The following ZC2HC1A variants were observed in gnomAD, a reference collection of about 807,000 sequenced individuals.
The protein encoded by ZC2HC1A is zinc finger C2HC-type containing 1A.
Under a neutral mutation model 40.7 loss-of-function variants are expected in ZC2HC1A, and 28 were observed. The observed-to-expected ratio is 0.69, with a 90% CI of 0.51 to 0.94. The LOEUF (loss-of-function observed/expected upper bound fraction) is 0.94. ZC2HC1A is among the 40% of genes least tolerant of loss of function. The pLI, the probability that ZC2HC1A is intolerant of heterozygous loss-of-function variation, is 0.00. For missense variants in ZC2HC1A, 389 were observed against 386.3 expected (o/e 1.01, Z -0.06); for synonymous variants, 129 against 129.2 (o/e 1.00, Z 0.01).
chr8:78,682,725 T>TC (rs1172565615), intron 3 of ZC2HC1A, among the ~76,000 whole-genome samples: 3 of 152,074 alleles, frequency 2.0e-5, no homozygotes, highest in Non-Finnish European at 4.4e-5. Context: ...TTCCCAACAG[T>TC]CCCCCAAAGT....
rs575614267 is a variant in ZC2HC1A at position 78,706,674 on chromosome 8, A to G, written c.704+8161A>G. Among the ~76,000 whole-genome samples the G allele has an allele frequency of 1.2e-4, 18 of 152,232 alleles. No homozygotes were observed. The South Asian group carries it at 3.7e-3, about 32-fold the overall frequency. ...CCCAATGCAAGTACATGGATGTTTC[A>G]GATGAAGGTGCTGTATTTACTCACC... On this transcript the variant is annotated intron_variant, in intron 7 of 8. Transcript: ENST00000263849.
intron 8 of ZC2HC1A, 22 bp from the exon 9 acceptor site, chr8:78,717,306 C>CTTT (rs1469949599): frequency 6.3e-7 from 1 of 1,596,232 alleles, no homozygotes; most frequent in African/African-American, 1.4e-5. Flanking sequence ...TTTATCTTTT[C>CTTT]ATTGTTTCTT....
At chr8:78,706,482 G>C (rs1810774571) in intron 7 of ZC2HC1A, among the ~76,000 whole-genome samples, 1 of 152,150 alleles carries the variant, frequency 6.6e-6, no homozygotes, top group African/African-American at 2.4e-5. Flanking sequence ...CTTGACCCAA[G>C]GGTTGCAAAG....
intron 2 of ZC2HC1A, among the ~76,000 whole-genome samples, chr8:78,677,651 T>C (rs1352669528): frequency 6.6e-6 from 1 of 152,108 alleles, no homozygotes; most frequent in African/African-American, 2.4e-5. Flanking sequence ...GTGGAGACTT[T>C]TTTTTTTGCA....
chr8:78,715,252 C>T lies in ZC2HC1A; in HGVS notation c.736C>T (p.Pro246Ser), dbSNP rs1231959724. ...TGTCAAACCCCGAAATTCCACACCA[C>T]CTAGTTTGGCAAGAAATCCTGCCCC... is the stretch of plus-strand genomic sequence containing the variant. ...ANVKPRNSTP[P>S]SLARNPAPGV... Residue 246 changes from proline (P) to serine (S), a missense_variant, in exon 8 of 9, where the codon CCT becomes TCT. Physicochemically the swap from Pro to Ser is moderately conservative, Grantham distance 74. Coordinates refer to ENST00000263849, the MANE Select transcript of ZC2HC1A (RefSeq NM_016010.3). 1 of 1,613,868 alleles carries T rather than the reference C, an allele frequency of 6.2e-7. No individual in the cohort carries two copies. Among genetic ancestry groups the T allele is most frequent in the Non-Finnish European group, 8.5e-7 (1 of 1,179,912 alleles).
intron 1 of ZC2HC1A, among the ~76,000 whole-genome samples, chr8:78,666,696 A>C (rs1809310167): frequency 6.6e-6 from 1 of 152,106 alleles, no homozygotes; most frequent in Non-Finnish European, 1.5e-5. Flanking sequence ...GCATCTCCTA[A>C]GGAAGTGTCA....
At chr8:78,687,612 TTATA>T (rs1281174211) in intron 4 of ZC2HC1A, among the ~76,000 whole-genome samples, 72 of 135,530 alleles carry the variant, frequency 5.3e-4, no homozygotes, top group African/African-American at 1.5e-3. Flanking sequence ...ACATAATACA[TTATA>T]TATATTTACG....
intron 1 of ZC2HC1A, among the ~76,000 whole-genome samples, chr8:78,673,447 G>A (rs946084882): frequency 1.3e-5 from 2 of 152,026 alleles, no homozygotes; most frequent in African/African-American, 4.8e-5. Context: ...GGGATTGCTG[G>A]GTCAAATGGT....
At chr8:78,709,489 T>C (rs1167348274) in intron 7 of ZC2HC1A, among the ~76,000 whole-genome samples, 1 of 152,176 alleles carries the variant, frequency 6.6e-6, no homozygotes, top group Non-Finnish European at 1.5e-5. Flanking sequence ...CTTATGTGGA[T>C]AACAATGATT....
chr8:78,698,992 T>G (rs1193625112), intron 7 of ZC2HC1A, among the ~76,000 whole-genome samples: 1 of 152,110 alleles, frequency 6.6e-6, no homozygotes, highest in African/African-American at 2.4e-5. Flanking sequence ...CACTGGACTC[T>G]TTTCACGTTT....
chr8:78,678,652 T>C lies in ZC2HC1A; in HGVS notation c.183T>C (p.Ile61=), dbSNP rs765037391. ...GACAGAGAGCTGAAGGAACTGATAT[T>C]CCAACAGTAAAACCTCTCAAACCGA... ...SSRQRAEGTD[I]PTVKPLKPRP... The change falls in exon 3 of 9, where the codon ATT becomes ATC. Residue 61 remains isoleucine (I), a synonymous_variant. Coordinates refer to ENST00000263849, the MANE Select transcript of ZC2HC1A (RefSeq NM_016010.3). The C allele has an allele frequency of 1.3e-5, 21 of 1,611,256 alleles. No homozygotes were observed. In the South Asian group the frequency reaches 2.2e-4, roughly 17 times the overall value.
Position 78,666,134 on chromosome 8 carries a change from C to A in ZC2HC1A, c.-15C>A. On this transcript the variant is annotated 5_prime_UTR_variant, in exon 1 of 9. Coordinates refer to ENST00000263849, the MANE Select transcript of ZC2HC1A (RefSeq NM_016010.3). ...GCTGCTGAAGGAGTCTCGCTGAGCT[C>A]GAGGAGGTGGCGCGATGGAGGGACT... 6.4e-7 allele frequency: 1 copy of A among 1,568,452 alleles called. No individual in the cohort carries two copies. The highest frequency in any genetic ancestry group is 8.6e-7 in the Non-Finnish European group (1 of 1,156,790).
Position 78,689,211 on chromosome 8 carries a change from A to G in ZC2HC1A, c.353-11A>G, listed in dbSNP as rs368612042. 3.4e-6 allele frequency: 5 copies of G among 1,462,630 alleles called. 1 individual carries two copies. In the Admixed American group the frequency reaches 7.5e-5, roughly 22 times the overall value. The allele number at this position is 1,462,630 out of a possible 1,614,324, so 90.6% of individuals were successfully genotyped here. A position where few individuals can be genotyped will look rare whatever the true frequency, so the allele number is the denominator to read the frequency against. On this transcript the variant is annotated splice_polypyrimidine_tract_variant and intron_variant, in intron 4 of 8. Transcript: ENST00000263849. ...ATGCTATTAATCTGTTTCCGTTTTT[A>G]TCTGTTATAGATTATATTCAATGTC... is the stretch of plus-strand genomic sequence containing the variant.
At chr8:78,689,881 A>G (rs1810152050) in intron 5 of ZC2HC1A, among the ~76,000 whole-genome samples, 1 of 152,112 alleles carries the variant, frequency 6.6e-6, no homozygotes, top group African/African-American at 2.4e-5. Context: ...ATCTTTGCCT[A>G]TACTAGGATT....
intron 1 of ZC2HC1A, among the ~76,000 whole-genome samples, chr8:78,673,088 C>T (rs1809480757): frequency 6.6e-6 from 1 of 151,988 alleles, no homozygotes. Context: ...CTGACAGGCC[C>T]TGGAGTGTGA....
At chr8:78,717,103 A>G (rs1326400747) in intron 8 of ZC2HC1A, among the ~76,000 whole-genome samples, 2 of 152,166 alleles carry the variant, frequency 1.3e-5, no homozygotes, top group East Asian at 3.9e-4. Flanking sequence ...GCATGGCTGC[A>G]TTTGGTCATG....
intron 1 of ZC2HC1A, among the ~76,000 whole-genome samples, chr8:78,671,910 G>A (rs1399917103): frequency 6.6e-6 from 1 of 152,130 alleles, no homozygotes; most frequent in Non-Finnish European, 1.5e-5. Flanking sequence ...TCTTGCTAAT[G>A]TAGTCTTAAG....
At chr8:78,670,221 C>T (rs936321964) in intron 1 of ZC2HC1A, among the ~76,000 whole-genome samples, 8 of 152,054 alleles carry the variant, frequency 5.3e-5, no homozygotes, top group Admixed American at 2.0e-4. Context: ...CCTGCCTCGA[C>T]GTCCCAAAGT....
At chr8:78,679,529 G>C (rs1228095914) in intron 3 of ZC2HC1A, 1 of 152,074 alleles carries the variant, frequency 6.6e-6, no homozygotes, top group East Asian at 1.9e-4. Flanking sequence ...TCTGATTCAT[G>C]GTTGACTGAA....
Sources: allele counts gnomAD v4.1 joint callset (sites outside exome capture counted in the v4.1 genomes callset), GRCh38; gene constraint gnomAD v4.1.1; transcripts MANE v1.5; gene names NCBI Gene and HGNC (gene_info 2026-07-23, HGNC 2026-07-21).